RRP15: variants seen among roughly 807,000 people sequenced by gnomAD.
RRP15 encodes the protein ribosomal RNA processing 15 homolog.
In RRP15, 18 loss-of-function variants were observed where a neutral mutation model predicts 27.1. That is an observed-to-expected ratio of 0.66 (90% CI 0.46 to 0.98). RRP15 has a LOEUF of 0.98. Ranked by LOEUF, RRP15 falls within the 50% of genes least tolerant of loss-of-function variation. The pLI, the probability that RRP15 is intolerant of heterozygous loss-of-function variation, is 0.00. For synonymous variants in RRP15, 107 were observed against 109.4 expected (o/e 0.98, Z 0.14); for missense variants, 359 against 337.8 (o/e 1.06, Z -0.49).
chr1:218,291,821 C>T (rs931714219), intron 1 of RRP15, among the ~76,000 whole-genome samples: 1 of 151,766 alleles, frequency 6.6e-6, no homozygotes, highest in Non-Finnish European at 1.5e-5. Flanking sequence ...TGAGCCACCG[C>T]GGCTGGCCCC....
intron 4 of RRP15, among the ~76,000 whole-genome samples, chr1:218,322,109 C>A (rs1410683623): frequency 1.3e-5 from 2 of 152,102 alleles, no homozygotes; most frequent in Non-Finnish European, 2.9e-5. Context: ...GTGTTCATAT[C>A]ATCAGTTAAG....
chr1:218,305,219 T>C (rs981620490), intron 3 of RRP15, 94 bp downstream of exon 3: 2 of 897,328 alleles, frequency 2.2e-6, no homozygotes, highest in African/African-American at 3.4e-5. Context: ...AGCTCAGCCT[T>C]CTCAGAGCCA....
At chr1:218,292,095 C>T (rs918951485) in intron 1 of RRP15, among the ~76,000 whole-genome samples, 7 of 152,140 alleles carry the variant, frequency 4.6e-5, no homozygotes, top group Admixed American at 2.0e-4. Flanking sequence ...CTCGGCCTCC[C>T]GAAGTGTTGG....
intron 1 of RRP15, 59 bp downstream of exon 1, chr1:218,285,514 C>T (rs1318238244): frequency 6.2e-7 from 1 of 1,603,878 alleles, no homozygotes; most frequent in African/African-American, 1.3e-5. Context: ...GAGTTCGTGT[C>T]AAGCAGCGCT....
intron 2 of RRP15, among the ~76,000 whole-genome samples, chr1:218,303,780 G>C (rs1655850534): frequency 6.6e-6 from 1 of 152,076 alleles, no homozygotes. Flanking sequence ...AGACATGGCA[G>C]CTACAAATGC....
intron 4 of RRP15, among the ~76,000 whole-genome samples, chr1:218,314,937 T>C (rs190909720): frequency 6.8e-6 from 1 of 146,242 alleles, no homozygotes; most frequent in Non-Finnish European, 1.5e-5. Context: ...GGTAGCAGTG[T>C]GCTGAGATTG....
At chr1:218,289,413 C>T (rs1655599195) in intron 1 of RRP15, among the ~76,000 whole-genome samples, 1 of 152,152 alleles carries the variant, frequency 6.6e-6, no homozygotes, top group African/African-American at 2.4e-5. Flanking sequence ...CGTTTTATTC[C>T]ATAATCTAAC....
intron 1 of RRP15, among the ~76,000 whole-genome samples, chr1:218,294,783 A>T (rs1655695418): frequency 6.6e-6 from 1 of 152,040 alleles, no homozygotes; most frequent in African/African-American, 2.4e-5. Context: ...CCAAACTTCT[A>T]TTCCTGTCTT....
chr1:218,290,509 G>A (rs1218449101), intron 1 of RRP15, among the ~76,000 whole-genome samples: 2 of 152,112 alleles, frequency 1.3e-5, no homozygotes, highest in African/African-American at 4.8e-5. Flanking sequence ...CTATTACCCA[G>A]GCTGCTGGAG....
At position 218,285,298 on chromosome 1, in the gene RRP15, A is replaced by G; in HGVS notation, c.-19A>G. The G allele has an allele frequency of 6.2e-7, 1 of 1,612,678 alleles. No individual in the cohort carries two copies. The highest frequency in any genetic ancestry group is 2.2e-5 in the East Asian group (1 of 44,846). On this transcript the variant is annotated 5_prime_UTR_variant, in exon 1 of 5. Transcript: ENST00000366932. Reference sequence around the variant, plus strand: ...TGCCACCGGACGCAACTGTCAGGTGACGCTTCCGGCGCAGAAAAATGGCAG... The same window carrying G: ...TGCCACCGGACGCAACTGTCAGGTGGCGCTTCCGGCGCAGAAAAATGGCAG...
chr1:218,316,820 A>G (rs1300008565), intron 4 of RRP15, among the ~76,000 whole-genome samples: 1 of 152,234 alleles, frequency 6.6e-6, no homozygotes, highest in Non-Finnish European at 1.5e-5. Context: ...CAAAGTTGGA[A>G]ACCAATTTGA....
chr1:218,312,917 G>T (rs1419029672), intron 4 of RRP15, among the ~76,000 whole-genome samples: 2 of 152,142 alleles, frequency 1.3e-5, no homozygotes, highest in African/African-American at 4.8e-5. Flanking sequence ...TGAGTGGGGA[G>T]TTAGAAAAAG....
rs1186009192 is a variant in RRP15 at position 218,299,102 on chromosome 1, T to C, written c.140-3192T>C. Among the ~76,000 whole-genome samples, 3 of 152,216 alleles carry C rather than the reference T, an allele frequency of 2.0e-5. No individual in the cohort carries two copies. The East Asian group carries it at 5.8e-4, about 29-fold the overall frequency. On this transcript the variant is annotated intron_variant, in intron 1 of 4. Transcript: ENST00000366932. ...ATAATATTTTGAGCCAGTTCTATTT[T>C]CTGGTTTGCATAGTGATAATCTTTG...
intron 1 of RRP15, among the ~76,000 whole-genome samples, chr1:218,298,245 C>A (rs1571795193): frequency 6.6e-6 from 1 of 152,090 alleles, no homozygotes; most frequent in Non-Finnish European, 1.5e-5. Flanking sequence ...CATTCAAATT[C>A]TTGCATTAAG....
chr1:218,288,538 C>T (rs1485870019), intron 1 of RRP15, among the ~76,000 whole-genome samples: 2 of 152,192 alleles, frequency 1.3e-5, no homozygotes, highest in Non-Finnish European at 2.9e-5. Context: ...GGCACAGAGG[C>T]TTATAACTTG....
intron 1 of RRP15, among the ~76,000 whole-genome samples, chr1:218,296,433 C>T (rs115830380): frequency 6.6e-6 from 1 of 152,004 alleles, no homozygotes; most frequent in African/African-American, 2.4e-5. Flanking sequence ...GTGGGTTGAT[C>T]ATTTGAGCCC....
At chr1:218,326,470 G>C (rs1209911078) in intron 4 of RRP15, among the ~76,000 whole-genome samples, 1 of 150,998 alleles carries the variant, frequency 6.6e-6, no homozygotes, top group African/African-American at 2.4e-5. Context: ...TGTTTGCATT[G>C]TTCTCTTCTT....
rs147109881 is a variant in RRP15 at position 218,330,006 on chromosome 1, G to A, written c.706-942G>A. ...TGATAACACTGTTTTCTAACCAAAT[G>A]TCATGGGTTCTTGTACCTTAGGTTT... On this transcript the variant is annotated intron_variant, in intron 4 of 4. Coordinates refer to ENST00000366932, the MANE Select transcript of RRP15 (RefSeq NM_016052.4). Among the ~76,000 whole-genome samples, 1,332 of 152,122 alleles carry A rather than the reference G, an allele frequency of 8.8e-3. 55 individuals are homozygous for A. The highest frequency in any genetic ancestry group is 0.08 in the Admixed American group (1,221 of 15,282).
rs34358288 is a variant in RRP15 at position 218,285,411 on chromosome 1, C to T, written c.95C>T (p.Ala32Val). ...KKMKMVTGAVASVLEDEATDT... is the reference protein window; with the variant it reads ...KKMKMVTGAVVSVLEDEATDT... Reference sequence around the variant, plus strand: ...ATGAAAATGGTAACTGGAGCCGTAGCGTCGGTGCTGGAAGACGAGGCCACA... The same window carrying T: ...ATGAAAATGGTAACTGGAGCCGTAGTGTCGGTGCTGGAAGACGAGGCCACA... Residue 32 changes from alanine to valine, a missense_variant, in exon 1 of 5, where the codon GCG (alanine) becomes GTG (valine). Ala to Val is a moderately conservative substitution (Grantham distance 64, BLOSUM62 0). Coordinates refer to ENST00000366932, the MANE Select transcript of RRP15 (RefSeq NM_016052.4). 6.1e-3 allele frequency: 9,914 copies of T among 1,614,056 alleles called. 498 individuals carry two copies. The African/African-American group carries it at 0.12, about 19-fold the overall frequency.
Sources: allele counts gnomAD v4.1 joint callset (sites outside exome capture counted in the v4.1 genomes callset), GRCh38; gene constraint gnomAD v4.1.1; transcripts MANE v1.5; gene names NCBI Gene and HGNC (gene_info 2026-07-23, HGNC 2026-07-21).